MRPL22: variants seen among roughly 807,000 people sequenced by gnomAD.
The protein encoded by MRPL22 is large ribosomal subunit protein uL22m.
MRPL22 carries 27 observed loss-of-function variants against 32.4 expected under a neutral mutation model. The observed-to-expected ratio is 0.83, with a 90% CI of 0.61 to 1.15. The LOEUF (loss-of-function observed/expected upper bound fraction) is 1.15. MRPL22 is among the 50% of genes most tolerant of loss of function. MRPL22 has a pLI of 0.00. For missense variants in MRPL22, 239 were observed against 260.2 expected (o/e 0.92, Z 0.56); for synonymous variants, 86 against 87.3 (o/e 0.99, Z 0.08).
chr5:154,951,167 A>G (rs1452594457), intron 3 of MRPL22, among the ~76,000 whole-genome samples: 1 of 152,214 alleles, frequency 6.6e-6, no homozygotes, highest in Non-Finnish European at 1.5e-5. Flanking sequence ...AAACTAAGCT[A>G]ATAGTTTAAG....
chr5:154,941,574 C>T (rs1362118949), intron 2 of MRPL22, among the ~76,000 whole-genome samples: 2 of 152,232 alleles, frequency 1.3e-5, no homozygotes, highest in Non-Finnish European at 2.9e-5. Flanking sequence ...TTCAAGTTAC[C>T]TCTCTGATTA....
Position 154,963,580 on chromosome 5 carries a change from C to T in MRPL22, c.410-3106C>T, listed in dbSNP as rs535662471. Among the ~76,000 whole-genome samples, 52 of 152,190 alleles carry T rather than the reference C, an allele frequency of 3.4e-4. 1 individual carries two copies. The highest frequency in any genetic ancestry group is 1.2e-3 in the African/African-American group (51 of 41,518). ...GAATTTGAGCAGATTTACCAGAGACCTCTGTATTGAAAAAATGATATTAAG... is the reference window on the plus strand; with the variant it reads ...GAATTTGAGCAGATTTACCAGAGACTTCTGTATTGAAAAAATGATATTAAG... On this transcript the variant is annotated intron_variant, in intron 6 of 6. Transcript: ENST00000523037.
chr5:154,956,313 C>T, intron 3 of MRPL22, 58 bp from the exon 4 acceptor site: 1 of 1,220,924 alleles, frequency 8.2e-7, no homozygotes, highest in Non-Finnish European at 1.2e-6. Context: ...ATGTTATTGT[C>T]ATTTTGTGGT....
Position 154,968,590 on chromosome 5 carries a change from A to C in MRPL22, c.*1693A>C, listed in dbSNP as rs1420826346. The C allele has an allele frequency of 6.6e-6, 1 of 152,190 alleles. No homozygotes were observed. Among genetic ancestry groups the C allele is most frequent in the Non-Finnish European group, 1.5e-5 (1 of 68,052 alleles). 9.4% of individuals were successfully genotyped at this position (152,190 alleles called of 1,614,324 possible). On this transcript the variant is annotated 3_prime_UTR_variant, in exon 7 of 7. Coordinates refer to ENST00000523037, the MANE Select transcript of MRPL22 (RefSeq NM_014180.4). ...TGAATCAGAAGCTTTGGTGTGGGAGACCATGGAACCTGCAGTTTTAATAAA... is the reference window on the plus strand; with the variant it reads ...TGAATCAGAAGCTTTGGTGTGGGAGCCCATGGAACCTGCAGTTTTAATAAA...
intron 3 of MRPL22, 173 bp from the exon 4 acceptor site, chr5:154,956,198 C>T: frequency 1.7e-6 from 1 of 580,338 alleles, no homozygotes; most frequent in South Asian, 2.2e-5. Flanking sequence ...TGGAAAAATA[C>T]AACTTTGTGT....
chr5:154,957,215 A>G lies in MRPL22; in HGVS notation c.339+3A>G. 2 of 1,611,314 alleles carry G rather than the reference A, an allele frequency of 1.2e-6. No homozygotes were observed. The highest frequency in any genetic ancestry group is 1.3e-5 in the African/African-American group (1 of 74,992). On this transcript the variant is annotated splice_donor_region_variant and intron_variant, in intron 5 of 6. Transcript: ENST00000523037. ...AAGGGGCCAAAATAATTAAAGAGGT[A>G]AACTTACAAGTTTGGGTGTGGTAGG...
chr5:154,946,691 C>T (rs568165244), intron 2 of MRPL22, among the ~76,000 whole-genome samples: 4 of 151,998 alleles, frequency 2.6e-5, no homozygotes, highest in East Asian at 1.9e-4. Context: ...TGCGGTGGTG[C>T]GTCCCTGTAA....
intron 6 of MRPL22, among the ~76,000 whole-genome samples, chr5:154,964,622 A>G (rs1431168377): frequency 6.6e-6 from 1 of 152,262 alleles, no homozygotes; most frequent in Admixed American, 6.5e-5. Context: ...AAATGATGGC[A>G]TCATGGCTTT....
Position 154,950,589 on chromosome 5 carries a change from A to G in MRPL22, c.78-232A>G, listed in dbSNP as rs144621346. On this transcript the variant is annotated intron_variant, in intron 2 of 6. Transcript: ENST00000523037. ...GGCAAGAAATCTTGGGTTAATATCT[A>G]TTAACGGTTTGACTTATGTGCGTTT... 4.2e-3 allele frequency among the ~76,000 whole-genome samples: 641 copies of G among 152,322 alleles called. 1 individual carries two copies. Among genetic ancestry groups the G allele is most frequent in the Middle Eastern group, 0.021 (6 of 292 alleles).
intron 5 of MRPL22, among the ~76,000 whole-genome samples, chr5:154,958,795 T>C (rs901364314): frequency 2.6e-4 from 39 of 152,112 alleles, no homozygotes; most frequent in Admixed American, 1.3e-4. Flanking sequence ...TCTGCCCACC[T>C]CGGCCTGCCA....
At chr5:154,960,223 G>A (rs909954838) in intron 6 of MRPL22, among the ~76,000 whole-genome samples, 174 bp downstream of exon 6, 1 of 152,134 alleles carries the variant, frequency 6.6e-6, no homozygotes. Context: ...TAGTGTAAAT[G>A]ACAATAACTG....
At chr5:154,943,136 CTT>C (rs1268448331) in intron 2 of MRPL22, among the ~76,000 whole-genome samples, 1 of 151,614 alleles carries the variant, frequency 6.6e-6, no homozygotes, top group Non-Finnish European at 1.5e-5. Context: ...TGATGAGAAA[CTT>C]TTTTTTCCTT....
chr5:154,966,885 TCA>T lies in MRPL22; in HGVS notation c.613_614del (p.Thr205SerfsTer19). 1.2e-6 allele frequency: 2 copies of T among 1,611,996 alleles called. No individual in the cohort carries two copies. Among genetic ancestry groups the T allele is most frequent in the Non-Finnish European group, 1.7e-6 (2 of 1,178,856 alleles). On this transcript the variant is annotated frameshift_variant, in exon 7 of 7. Transcript: ENST00000523037. LOFTEE classifies it high-confidence loss of function. ...AGCAGCTTCGCAGCCGGACCATCGT[TCA>T]CACTCTATGATGAGGAGATTCAGAC... is the stretch of plus-strand genomic sequence containing the variant. Reference protein sequence around the residue: ...IQQLRSRTIVHTL With the variant: ...IQQLRSRTIVXTL
In MRPL22 at chr5:154,944,381, A is replaced by G. The variant is rs112218064; in HGVS notation, c.77+3116A>G. On this transcript the variant is annotated intron_variant, in intron 2 of 6. Transcript: ENST00000523037. ...GTCTCTGGGATTACAGACGTGAGCC[A>G]CCAAGCCTGTCTGTACCACCCTTTA... Among the ~76,000 whole-genome samples the G allele has an allele frequency of 1.4e-3, 214 of 152,320 alleles. 1 individual carries two copies. The highest frequency in any genetic ancestry group is 4.8e-3 in the African/African-American group (201 of 41,582).
intron 2 of MRPL22, among the ~76,000 whole-genome samples, chr5:154,942,584 A>AT (rs1413034084): frequency 6.6e-6 from 1 of 152,184 alleles, no homozygotes; most frequent in Non-Finnish European, 1.5e-5. Context: ...TTTTCCTACT[A>AT]TGCCCTCACA....
At chr5:154,946,971 TA>T (rs1391824151) in intron 2 of MRPL22, among the ~76,000 whole-genome samples, 1 of 152,190 alleles carries the variant, frequency 6.6e-6, no homozygotes, top group Non-Finnish European at 1.5e-5. Flanking sequence ...GGGCCTAATT[TA>T]AAAATAACAC....
At chr5:154,961,512 A>G (rs181093209) in intron 6 of MRPL22, among the ~76,000 whole-genome samples, 109 of 152,336 alleles carry the variant, frequency 7.2e-4, no homozygotes, top group African/African-American at 2.5e-3. Context: ...CAAATGAAAT[A>G]TGATTTGTCT....
chr5:154,948,923 A>G (rs757324436), intron 2 of MRPL22, among the ~76,000 whole-genome samples: 25 of 152,182 alleles, frequency 1.6e-4, no homozygotes, highest in Non-Finnish European at 3.4e-4. Context: ...ATGGCTTTAA[A>G]CATATTTGAT....
chr5:154,944,384 A>G (rs575548436), intron 2 of MRPL22, among the ~76,000 whole-genome samples: 71 of 152,284 alleles, frequency 4.7e-4, no homozygotes, highest in African/African-American at 1.6e-3. Flanking sequence ...GTGAGCCACC[A>G]AGCCTGTCTG....
Sources: allele counts gnomAD v4.1 joint callset (sites outside exome capture counted in the v4.1 genomes callset), GRCh38; gene constraint gnomAD v4.1.1; transcripts MANE v1.5; gene names NCBI Gene and HGNC (gene_info 2026-07-23, HGNC 2026-07-21).